The following LUZP1 variants were observed in gnomAD, a reference collection of about 807,000 sequenced individuals.
LUZP1 encodes filamin mechanobinding actin cross-linking protein.
A neutral mutation model predicts 71.3 loss-of-function variants in LUZP1; 25 were observed. That is an observed-to-expected ratio of 0.35 (90% CI 0.26 to 0.49). The LOEUF (loss-of-function observed/expected upper bound fraction) is 0.49. LUZP1 is among the 20% of genes least tolerant of loss of function. The probability of loss-of-function intolerance (pLI) is 0.99; values close to 1 mark genes in which losing one functional copy is unlikely to be tolerated. For missense variants in LUZP1, 1,142 were observed against 1,300.8 expected, an observed-to-expected ratio of 0.88 and a Z score of 1.88; for synonymous variants, 481 against 506.4, an observed-to-expected ratio of 0.95 and a Z score of 0.67.
rs535524035 is a variant in LUZP1 at position 23,138,997 on chromosome 1, C to CAAAAAAAAAAAAAAAA, written c.-226+29753_-226+29768dup. Among the ~76,000 whole-genome samples, 3 of 21,582 alleles carry CAAAAAAAAAAAAAAAA rather than the reference C, an allele frequency of 1.4e-4. 1 individual carries two copies. Among genetic ancestry groups the CAAAAAAAAAAAAAAAA allele is most frequent in the African/African-American group, 5.5e-4 (3 of 5,420 alleles). 14.2% of individuals were successfully genotyped at this position (21,582 alleles called of 152,430 possible). On this transcript the variant is annotated intron_variant, in intron 2 of 4. Transcript: ENST00000302291. ...TGGGTGACAGAGCAAGACTCCATCT[C>CAAAAAAAAAAAAAAAA]AAAAAAAAAAAAAAAAAAAAAAATA...
intron 2 of LUZP1, among the ~76,000 whole-genome samples, chr1:23,163,543 G>A (rs566663903): frequency 7.4e-6 from 1 of 134,426 alleles, no homozygotes; most frequent in African/African-American, 2.9e-5. Flanking sequence ...GAAAGAGTGA[G>A]ATCCCGTCTC....
intron 3 of LUZP1, among the ~76,000 whole-genome samples, chr1:23,099,202 T>A (rs1643912974): frequency 6.6e-6 from 1 of 152,270 alleles, no homozygotes; most frequent in African/African-American, 2.4e-5. Context: ...TTTGGCCTTC[T>A]GCCCAGTGGT....
At chr1:23,162,483 G>A (rs1018514819) in intron 2 of LUZP1, among the ~76,000 whole-genome samples, 3 of 150,092 alleles carry the variant, frequency 2.0e-5, no homozygotes, top group African/African-American at 7.4e-5. Context: ...CTGTTGCCCA[G>A]GCTGGAGTGC....
At chr1:23,089,816 A>C (rs1423980576) in intron 4 of LUZP1, among the ~76,000 whole-genome samples, 1 of 150,832 alleles carries the variant, frequency 6.6e-6, no homozygotes, top group East Asian at 1.9e-4. Flanking sequence ...GCTGGAGTAC[A>C]ATGGTGCGAT....
intron 2 of LUZP1, among the ~76,000 whole-genome samples, chr1:23,166,627 C>T (rs1644511719): frequency 7.2e-6 from 1 of 139,748 alleles, no homozygotes; most frequent in African/African-American, 2.8e-5. Context: ...TGCACTACAG[C>T]CTGGGTGACA....
intron 3 of LUZP1, among the ~76,000 whole-genome samples, chr1:23,106,631 A>T (rs568225054): frequency 6.6e-5 from 10 of 151,664 alleles, no homozygotes; most frequent in African/African-American, 2.4e-4. Flanking sequence ...AATTTAAATT[A>T]AAAAAAAATC....
intron 3 of LUZP1, among the ~76,000 whole-genome samples, chr1:23,105,976 C>T (rs894978248): frequency 6.6e-6 from 1 of 152,070 alleles, no homozygotes; most frequent in South Asian, 2.1e-4. Context: ...GGAATCTTTC[C>T]AAAAATGAAA....
chr1:23,155,759 A>G (rs984662101), intron 2 of LUZP1, among the ~76,000 whole-genome samples: 7 of 152,108 alleles, frequency 4.6e-5, no homozygotes, highest in Non-Finnish European at 1.0e-4. Context: ...AGATCGTGCC[A>G]TTGCACTCAC....
intron 3 of LUZP1, among the ~76,000 whole-genome samples, chr1:23,101,379 T>G (rs1428123197): frequency 6.6e-6 from 1 of 152,178 alleles, no homozygotes; most frequent in African/African-American, 2.4e-5. Context: ...ACTCTCAAAT[T>G]TTCCCAAAGT....
At chr1:23,175,834 GGGGGAATGCAGGGT>G (rs1644578782) in intron 1 of LUZP1, among the ~76,000 whole-genome samples, 1 of 152,154 alleles carries the variant, frequency 6.6e-6, no homozygotes, top group Non-Finnish European at 1.5e-5. Context: ...AGGAGGGATT[GGGGGAATGCAGGGT>G]GGGGACCTAA....
intron 3 of LUZP1, among the ~76,000 whole-genome samples, chr1:23,100,871 C>T (rs1643926157): frequency 1.3e-5 from 2 of 152,118 alleles, no homozygotes; most frequent in East Asian, 1.9e-4. Flanking sequence ...TCATTCAAAC[C>T]CCTTATTTTA....
At chr1:23,089,854 G>A (rs1643827612) in intron 4 of LUZP1, among the ~76,000 whole-genome samples, 1 of 151,952 alleles carries the variant, frequency 6.6e-6, no homozygotes, top group Non-Finnish European at 1.5e-5. Flanking sequence ...TCCGCCTCCT[G>A]GGTTCAAGTG....
At chr1:23,104,228 G>A (rs1643961284) in intron 3 of LUZP1, among the ~76,000 whole-genome samples, 1 of 149,394 alleles carries the variant, frequency 6.7e-6, no homozygotes, top group African/African-American at 2.5e-5. Context: ...CGTCCAGGTT[G>A]GAGTGAAGAG....
intron 1 of LUZP1, among the ~76,000 whole-genome samples, chr1:23,174,045 G>A (rs2148226824): frequency 6.6e-6 from 1 of 152,098 alleles, no homozygotes; most frequent in South Asian, 2.1e-4. Flanking sequence ...GAACCAATAG[G>A]AGTATATATA....
At chr1:23,120,421 G>C (rs1237551599) in intron 2 of LUZP1, among the ~76,000 whole-genome samples, 1 of 151,746 alleles carries the variant, frequency 6.6e-6, no homozygotes, top group African/African-American at 2.4e-5. Context: ...GAGTGCAATG[G>C]TGCAATCATG....
At chr1:23,114,685 A>G (rs1420862304) in intron 2 of LUZP1, among the ~76,000 whole-genome samples, 1 of 152,352 alleles carries the variant, frequency 6.6e-6, no homozygotes, top group African/African-American at 2.4e-5. Context: ...ACAAGAAGGA[A>G]TGAAGAGAAT....
intron 2 of LUZP1, among the ~76,000 whole-genome samples, chr1:23,156,688 C>T (rs1264626606): frequency 6.6e-6 from 1 of 152,286 alleles, no homozygotes; most frequent in Admixed American, 6.5e-5. Context: ...TTCAATGGCG[C>T]CATCTTGGGA....
chr1:23,091,366 G>C, exon 4 of LUZP1: 2 of 1,614,160 alleles, frequency 1.2e-6, no homozygotes, highest in Non-Finnish European at 1.7e-6. Flanking sequence ...CAGGACCTGG[G>C]CTGTTCGAGT....
At position 23,093,294 on chromosome 1, in the gene LUZP1, T is replaced by C. The variant is rs1473659016; in HGVS notation, c.968A>G (p.Gln323Arg). 1.2e-6 allele frequency: 2 copies of C among 1,610,834 alleles called. No homozygotes were observed. Among genetic ancestry groups the C allele is most frequent in the African/African-American group, 1.3e-5 (1 of 74,584 alleles). Reference sequence around the variant, plus strand: ...ATTTTGTTCACTTAGGTAATTATCCTGAAGGTCGTTATTTTTGGACTTCAT... The same window carrying C: ...ATTTTGTTCACTTAGGTAATTATCCCGAAGGTCGTTATTTTTGGACTTCAT... The change falls in exon 4 of 5, where the codon CAG becomes CGG. Residue 323 changes from glutamine (Q) to arginine (R), a missense_variant. Coordinates refer to ENST00000302291, the Ensembl canonical transcript of LUZP1. This position sits in a 1 kb window ranked among gnomAD's most constrained non-coding sequence, Gnocchi z 4.2.
Sources: allele counts gnomAD v4.1 joint callset (sites outside exome capture counted in the v4.1 genomes callset), GRCh38; gene constraint gnomAD v4.1.1; non-coding constraint Gnocchi (gnomAD v3.1); transcripts MANE v1.5; gene names NCBI Gene and HGNC (gene_info 2026-07-23, HGNC 2026-07-21).